Variants in DCAF4 observed in about 807,000 individuals in gnomAD.
DCAF4 encodes the protein DDB1- and CUL4-associated factor 4.
A neutral mutation model predicts 60.9 loss-of-function variants in DCAF4; 37 were observed. That is an observed-to-expected ratio of 0.61 (90% CI 0.47 to 0.80). The LOEUF (loss-of-function observed/expected upper bound fraction) is 0.80. Ranked by LOEUF, DCAF4 falls within the 30% of genes least tolerant of loss-of-function variation. DCAF4 has a pLI of 0.00. For missense variants in DCAF4, 577 were observed against 650.0 expected (o/e 0.89, Z 1.22); for synonymous variants, 243 against 254.8 (o/e 0.95, Z 0.44).
rs778231631 is a variant in DCAF4 at position 72,946,012 on chromosome 14, C to T, written c.663C>T (p.Tyr221=). ...AGGTGTTCATGCACGAAAACCTCTA[C>T]TTCACCAACCGGAAGGTACGTTGCC... is the stretch of plus-strand genomic sequence containing the variant. ...TLKVFMHENL[Y]FTNRKVNSVC... is the part of the protein sequence containing the mutation. The change falls in exon 7 of 14, where the codon TAC becomes TAT. Residue 221 remains tyrosine (Y), a synonymous_variant. Coordinates refer to ENST00000358377, the MANE Select transcript of DCAF4 (RefSeq NM_015604.4). The T allele has an allele frequency of 2.5e-6, 4 of 1,614,100 alleles. No individual in the cohort carries two copies. Among genetic ancestry groups the T allele is most frequent in the South Asian group, 2.2e-5 (2 of 91,084 alleles).
chr14:72,929,679 T>C (rs1174383071), intron 1 of DCAF4: 59 of 1,345,994 alleles, frequency 4.4e-5, no homozygotes, highest in Non-Finnish European at 6.0e-5. Flanking sequence ...CCGCTTCCTC[T>C]TGGCACGGAT....
intron 9 of DCAF4, 50 bp downstream of exon 9, chr14:72,951,927 C>T (rs1370842521): frequency 1.3e-6 from 2 of 1,599,020 alleles, no homozygotes; most frequent in Non-Finnish European, 1.7e-6. Flanking sequence ...CTCCCGAGAG[C>T]TGTGTGGGGG....
chr14:72,961,994 T>A (rs1892837943), downstream of DCAF4: 1 of 1,103,856 alleles, frequency 9.1e-7, no homozygotes, highest in South Asian at 3.2e-5. Context: ...TTCCCTCTGT[T>A]CTAACAGCAT....
chr14:72,939,698 C>T, intron 2 of DCAF4, 104 bp from the exon 3 acceptor site: 1 of 862,720 alleles, frequency 1.2e-6, no homozygotes, highest in Non-Finnish European at 1.8e-6. Context: ...GGTCAGAGAT[C>T]AGAGGTGAAG....
At chr14:72,954,591 A>T in intron 11 of DCAF4, 108 bp downstream of exon 11, 1 of 1,014,206 alleles carries the variant, frequency 9.9e-7, no homozygotes, top group Non-Finnish European at 1.5e-6. Flanking sequence ...TTGACAGGGG[A>T]GAAAGAGCAT....
rs1327466108 is a variant in DCAF4, at chr14:72,953,763, A to ATG, written c.809-401_809-400insTG. 6.0e-4 allele frequency among the ~76,000 whole-genome samples: 23 copies of ATG among 38,140 alleles called. 2 individuals are homozygous for ATG. The highest frequency in any genetic ancestry group is 2.1e-3 in the South Asian group (2 of 972). 25.0% of individuals were successfully genotyped at this position (38,140 alleles called of 152,430 possible). The stretch of plus-strand genomic sequence containing the variant: ...TATATATATATATATATATATATAT[A>ATG]GTTTATTTATTTATTTATTTGTGTG... On this transcript the variant is annotated intron_variant, in intron 9 of 13. Coordinates refer to ENST00000358377, the MANE Select transcript of DCAF4 (RefSeq NM_015604.4).
intron 11 of DCAF4, 78 bp from the exon 12 acceptor site, chr14:72,955,445 G>T: frequency 2.0e-6 from 3 of 1,520,838 alleles, no homozygotes; most frequent in Admixed American, 1.8e-5. Context: ...AAGAGGGGTT[G>T]TATCAGGAGG....
intron 8 of DCAF4, among the ~76,000 whole-genome samples, chr14:72,948,962 C>T (rs1891079423): frequency 6.6e-6 from 1 of 152,242 alleles, no homozygotes; most frequent in African/African-American, 2.4e-5. Context: ...AGCTGAGATT[C>T]AGCAACAGTA....
intron 8 of DCAF4, among the ~76,000 whole-genome samples, chr14:72,950,612 C>G (rs749021832): frequency 5.9e-4 from 89 of 152,122 alleles, no homozygotes; most frequent in Non-Finnish European, 8.5e-4. Flanking sequence ...AGTCAAAAGA[C>G]ACACACGTAG....
intron 9 of DCAF4, among the ~76,000 whole-genome samples, chr14:72,952,913 T>C (rs1891609770): frequency 6.7e-6 from 1 of 150,164 alleles, no homozygotes; most frequent in Non-Finnish European, 1.5e-5. Flanking sequence ...TAGGCTGGTC[T>C]CGAACTCCTG....
chr14:72,951,471 C>T (rs907821338), intron 8 of DCAF4, among the ~76,000 whole-genome samples: 4 of 152,008 alleles, frequency 2.6e-5, no homozygotes, highest in Non-Finnish European at 5.9e-5. Context: ...ATTACCCGGG[C>T]GTGGTGGCAC....
At position 72,954,421 on chromosome 14, in the gene DCAF4, A is replaced by T. The variant is rs1241424569; in HGVS notation, c.943A>T (p.Thr315Ser). The change falls in exon 11 of 14, where the codon ACG becomes TCG. Residue 315 changes from threonine to serine, a missense_variant. Thr to Ser is a moderately conservative substitution (Grantham distance 58). Transcript: ENST00000358377. Reference sequence around the variant, plus strand: ...GCGGGTCCTGTTGACCAACGTGGTGACGGGACACCGGCAGTCCTTTGGGAC... The same window carrying T: ...GCGGGTCCTGTTGACCAACGTGGTGTCGGGACACCGGCAGTCCTTTGGGAC... ...SRRVLLTNVV[T>S]GHRQSFGTNS... 1.9e-6 allele frequency: 3 copies of T among 1,614,030 alleles called. No homozygotes were observed. The highest frequency in any genetic ancestry group is 1.7e-6 in the Non-Finnish European group (2 of 1,180,030).
chr14:72,938,196 G>A, intron 2 of DCAF4, 126 bp downstream of exon 2: 3 of 1,341,374 alleles, frequency 2.2e-6, no homozygotes, highest in Admixed American at 2.6e-5. Flanking sequence ...TTCTGATTCT[G>A]TAGGTCTGAG....
rs11288108 is a variant in DCAF4, at chr14:72,937,410, C to CTTTTTTTT, written c.-8-548_-8-541dup. 2.6e-4 allele frequency among the ~76,000 whole-genome samples: 27 copies of CTTTTTTTT among 105,732 alleles called. 1 individual carries two copies. Among genetic ancestry groups the CTTTTTTTT allele is most frequent in the South Asian group, 3.2e-4 (1 of 3,104 alleles). 69.4% of individuals were successfully genotyped at this position (105,732 alleles called of 152,430 possible). On this transcript the variant is annotated intron_variant, in intron 1 of 13. Transcript: ENST00000358377. ...TTTCATGCCTGGCAATTTTTCTTTTCTTTTTTTTTTTTTTTTTTTTGAGAT... is the reference window on the plus strand; with the variant it reads ...TTTCATGCCTGGCAATTTTTCTTTTCTTTTTTTTTTTTTTTTTTTTTTTTTTTTGAGAT...
At chr14:72,930,676 T>A (rs1461541878) in intron 1 of DCAF4, among the ~76,000 whole-genome samples, 2 of 152,294 alleles carry the variant, frequency 1.3e-5, no homozygotes, top group South Asian at 2.1e-4. Context: ...GAGTTTTGGG[T>A]GTCATATTTG....
intron 13 of DCAF4, chr14:72,957,648 C>T (rs1412089785): frequency 3.9e-5 from 6 of 152,194 alleles, no homozygotes; most frequent in Admixed American, 1.3e-4. Flanking sequence ...AGAGCTCAGC[C>T]TTGCTGAGAG....
intron 9 of DCAF4, among the ~76,000 whole-genome samples, 178 bp downstream of exon 9, chr14:72,952,055 C>T (rs944901442): frequency 3.3e-5 from 5 of 152,104 alleles, no homozygotes; most frequent in Admixed American, 1.3e-4. Context: ...CCTTTTTACC[C>T]ATCTTGGGCC....
intron 4 of DCAF4, among the ~76,000 whole-genome samples, chr14:72,940,737 C>T (rs188547918): frequency 1.5e-4 from 22 of 151,636 alleles, no homozygotes; most frequent in Non-Finnish European, 1.8e-4. Context: ...ACTACAGGCA[C>T]GTGCCACCAT....
Position 72,930,641 on chromosome 14 carries a change from G to GTATA in DCAF4, c.-9+4108_-9+4111dup, listed in dbSNP as rs56871190. Among the ~76,000 whole-genome samples the GTATA allele has an allele frequency of 1.5e-4, 23 of 151,364 alleles. 1 individual carries two copies. Among genetic ancestry groups the GTATA allele is most frequent in the South Asian group, 8.3e-4 (4 of 4,804 alleles). The stretch of plus-strand genomic sequence containing the variant: ...CCAATTTATGTGTGTATGTGTGTGT[G>GTATA]TATATATATATATGTAGTGTGTGTG... On this transcript the variant is annotated intron_variant, in intron 1 of 13. Transcript: ENST00000358377.
Sources: allele counts gnomAD v4.1 joint callset (sites outside exome capture counted in the v4.1 genomes callset), GRCh38; gene constraint gnomAD v4.1.1; transcripts MANE v1.5; gene names NCBI Gene and HGNC (gene_info 2026-07-23, HGNC 2026-07-21).